The following RYR2 variants were observed in gnomAD, a reference collection of about 807,000 sequenced individuals.
The protein encoded by RYR2 is cardiac muscle ryanodine receptor-calcium release channel.
Under a neutral mutation model 601.1 loss-of-function variants are expected in RYR2, and 227 were observed. That is an observed-to-expected ratio of 0.38 (90% CI 0.34 to 0.42). The LOEUF is 0.42. Ranked by LOEUF, RYR2 falls within the 10% of genes least tolerant of loss-of-function variation. The pLI is 1.00. For missense variants in RYR2, 4,646 were observed against 6,156.5 expected (o/e 0.75, Z 8.21); for synonymous variants, 2,223 against 2,175.1 (o/e 1.02, Z -0.61).
chr1:237,730,148 A>G (rs753336401), intron 76 of RYR2, 112 bp from the exon 77 acceptor site: 36 of 650,424 alleles, frequency 5.5e-5, no homozygotes, highest in Non-Finnish European at 9.5e-5. Flanking sequence ...TAGAGAATTT[A>G]TTTCTATTTT....
chr1:237,173,628 A>G (rs1191917165), intron 1 of RYR2, among the ~76,000 whole-genome samples: 1 of 152,202 alleles, frequency 6.6e-6, no homozygotes, highest in Non-Finnish European at 1.5e-5. Context: ...CTTTCTCTGC[A>G]TGTTAAGTTT....
In RYR2 at chr1:237,381,243, C is replaced by A. The variant is rs577748257; in HGVS notation, c.576+3808C>A. ...CTCCAGCCTAGGTGACAGAACGAGA[C>A]TCCGTCTCAAAAAAAAAAAAAAAAA... On this transcript the variant is annotated intron_variant, in intron 8 of 104. Transcript: ENST00000366574. Among the ~76,000 whole-genome samples the A allele has an allele frequency of 2.4e-4, 29 of 121,150 alleles. No homozygotes were observed. In the South Asian group the frequency reaches 7.2e-3, roughly 30 times the overall value. 79.5% of individuals were successfully genotyped at this position (121,150 alleles called of 152,430 possible). A position where few individuals can be genotyped will look rare whatever the true frequency, so the allele number is the denominator to read the frequency against.
At chr1:237,358,038 G>C (rs538443873) in intron 4 of RYR2, among the ~76,000 whole-genome samples, 57 of 152,182 alleles carry the variant, frequency 3.7e-4, no homozygotes, top group South Asian at 3.3e-3. Flanking sequence ...AAATTCTACT[G>C]TTACAGGTAG....
chr1:237,340,521 C>T (rs1400181236), intron 3 of RYR2, among the ~76,000 whole-genome samples: 2 of 152,146 alleles, frequency 1.3e-5, no homozygotes, highest in African/African-American at 4.8e-5. Context: ...CTGTGAAATG[C>T]TGAATGGATT....
chr1:237,059,291 C>A (rs747618062), intron 1 of RYR2, among the ~76,000 whole-genome samples: 5 of 152,128 alleles, frequency 3.3e-5, no homozygotes, highest in Non-Finnish European at 7.4e-5. Context: ...TGCCATCTAA[C>A]GTGAATAATG....
Position 237,783,379 on chromosome 1 carries a change from CT to C in RYR2, c.11963-293del, listed in dbSNP as rs906955425. On this transcript the variant is annotated intron_variant, in intron 89 of 104. Coordinates refer to ENST00000366574, the MANE Select transcript of RYR2 (RefSeq NM_001035.3). Reference sequence around the variant, plus strand: ...TATGAAACGATTTTAGTTTCTGGCTCTTTGGCTCATTTTCTTTATCTAAAAC... The same window carrying C: ...TATGAAACGATTTTAGTTTCTGGCTCTTGGCTCATTTTCTTTATCTAAAAC... Among the ~76,000 whole-genome samples the C allele has an allele frequency of 1.7e-4, 26 of 152,210 alleles. 2 individuals are homozygous for C. In the East Asian group the frequency reaches 3.1e-3, roughly 18 times the overall value.
rs141953046 is a variant in RYR2, at chr1:237,682,777, A to G, written c.9017+2200A>G. ...AGCGTTGGTAAATTTTACTTCTCCCATTGGTATTTCCCAAAAAAAGGAGCA... is the reference window on the plus strand; with the variant it reads ...AGCGTTGGTAAATTTTACTTCTCCCGTTGGTATTTCCCAAAAAAAGGAGCA... On this transcript the variant is annotated intron_variant, in intron 62 of 104. Coordinates refer to ENST00000366574, the MANE Select transcript of RYR2 (RefSeq NM_001035.3). 3.3e-3 allele frequency among the ~76,000 whole-genome samples: 502 copies of G among 152,302 alleles called. 4 individuals carry two copies. Among genetic ancestry groups the G allele is most frequent in the African/African-American group, 0.011 (469 of 41,572 alleles).
intron 24 of RYR2, among the ~76,000 whole-genome samples, chr1:237,513,316 TTGTTCCAATAGGTCACTTATC>T (rs1361406993): frequency 6.6e-6 from 1 of 152,246 alleles, no homozygotes; most frequent in Non-Finnish European, 1.5e-5. Flanking sequence ...AGAACTGGAT[TTGTTCCAATAGGTCACTTATC>T]CTAATATGTT....
chr1:237,406,417 T>C (rs10802610), intron 10 of RYR2, among the ~76,000 whole-genome samples: 38,604 of 151,080 alleles, frequency 0.26, 5,141 homozygotes, highest in African/African-American at 0.34. Flanking sequence ...GTGTTTGTTT[T>C]TGGCTAAATA....
At chr1:237,593,364 A>G in intron 32 of RYR2, 112 bp from the exon 33 acceptor site, 3 of 1,085,508 alleles carry the variant, frequency 2.8e-6, no homozygotes, top group Middle Eastern at 2.5e-4. Flanking sequence ...GTTTTAAACC[A>G]AGAAGTGAAT....
At chr1:237,181,872 C>G (rs1331035335) in intron 1 of RYR2, among the ~76,000 whole-genome samples, 1 of 152,072 alleles carries the variant, frequency 6.6e-6, no homozygotes, top group Non-Finnish European at 1.5e-5. Flanking sequence ...TGATTAGTTC[C>G]GTGATGGTTA....
chr1:237,722,496 C>T (rs554102523), intron 73 of RYR2, among the ~76,000 whole-genome samples: 68 of 150,720 alleles, frequency 4.5e-4, no homozygotes, highest in Middle Eastern at 3.4e-3. Context: ...TGCAGTGGCG[C>T]GATCTCGGCT....
At chr1:237,266,149 A>G (rs963314788) in intron 1 of RYR2, among the ~76,000 whole-genome samples, 2 of 152,254 alleles carry the variant, frequency 1.3e-5, no homozygotes, top group Non-Finnish European at 2.9e-5. Flanking sequence ...CAAAAGCAAG[A>G]CATATGAATT....
rs527565591 is a variant in RYR2 at position 237,629,592 on chromosome 1, A to G, written c.6440+1512A>G. Among the ~76,000 whole-genome samples, 3 of 152,240 alleles carry G rather than the reference A, an allele frequency of 2.0e-5. No homozygotes were observed. The South Asian group carries it at 6.2e-4, about 32-fold the overall frequency. On this transcript the variant is annotated intron_variant, in intron 41 of 104. Coordinates refer to ENST00000366574, the MANE Select transcript of RYR2 (RefSeq NM_001035.3). The stretch of plus-strand genomic sequence containing the variant: ...GATATCAGGCAAAAGAGGAGATAAT[A>G]AAGGTAACTGCTACATGAATAAAAT...
intron 1 of RYR2, among the ~76,000 whole-genome samples, chr1:237,075,264 C>T (rs1039434374): frequency 3.3e-5 from 5 of 151,626 alleles, no homozygotes; most frequent in African/African-American, 1.2e-4. Flanking sequence ...AGAAAGTCTG[C>T]GGGAGGAGCC....
At chr1:237,313,908 A>C (rs1046355501) in intron 2 of RYR2, among the ~76,000 whole-genome samples, 4 of 143,752 alleles carry the variant, frequency 2.8e-5, no homozygotes, top group African/African-American at 1.0e-4. Flanking sequence ...GATTTCCATG[A>C]GTTTCTGGAC....
intron 41 of RYR2, among the ~76,000 whole-genome samples, chr1:237,628,681 A>G (rs1179605477): frequency 2.0e-5 from 3 of 152,196 alleles, no homozygotes; most frequent in Non-Finnish European, 4.4e-5. Flanking sequence ...CACACAGCCA[A>G]TATCTTTCAG....
chr1:237,384,140 A>G (rs1442059306), intron 8 of RYR2, among the ~76,000 whole-genome samples: 4 of 152,260 alleles, frequency 2.6e-5, no homozygotes, highest in Middle Eastern at 3.2e-3. Context: ...GACCTTATTT[A>G]GAGAACTTTA....
intron 1 of RYR2, among the ~76,000 whole-genome samples, chr1:237,219,722 A>T (rs971021655): frequency 6.6e-6 from 1 of 152,188 alleles, no homozygotes; most frequent in Non-Finnish European, 1.5e-5. Context: ...AGATGATAAC[A>T]CTTTCCTAAC....
Sources: gnomAD v4.1 joint callset for allele counts (sites outside exome capture counted in the v4.1 genomes callset) on GRCh38, gnomAD v4.1.1 for gene constraint, MANE v1.5 for transcripts, NCBI Gene and HGNC (gene_info 2026-07-23, HGNC 2026-07-21) for gene names.